Variants in GRIK2 observed in about 807,000 individuals in gnomAD.
GRIK2 encodes glutamate ionotropic receptor kainate type subunit 2.
A neutral mutation model predicts 100.3 loss-of-function variants in GRIK2; 32 were observed. That is an observed-to-expected ratio of 0.32 (90% CI 0.24 to 0.43). The LOEUF is 0.43. GRIK2 is among the 20% of genes least tolerant of loss of function. The pLI is 1.00. For synonymous variants in GRIK2, 417 were observed against 389.4 expected (o/e 1.07, Z -0.83); for missense variants, 843 against 1,114.9 (o/e 0.76, Z 3.47).
chr6:101,779,311 T>C (rs920268577), intron 7 of GRIK2, among the ~76,000 whole-genome samples: 2 of 152,164 alleles, frequency 1.3e-5, no homozygotes, highest in African/African-American at 4.8e-5. Flanking sequence ...TGTTACACAT[T>C]CCATTCTTAA....
At chr6:101,464,432 C>T (rs561774788) in intron 2 of GRIK2, among the ~76,000 whole-genome samples, 1 of 148,592 alleles carries the variant, frequency 6.7e-6, no homozygotes, top group South Asian at 2.2e-4. Flanking sequence ...GAGGCATAAA[C>T]TTTGCCTGTC....
chr6:101,775,592 T>C (rs886556348), intron 7 of GRIK2, among the ~76,000 whole-genome samples: 3 of 151,218 alleles, frequency 2.0e-5, no homozygotes, highest in Non-Finnish European at 4.4e-5. Context: ...ATAGTTTATT[T>C]ATAATAAACT....
chr6:101,656,091 T>C (rs1409847491), intron 4 of GRIK2, among the ~76,000 whole-genome samples: 1 of 151,910 alleles, frequency 6.6e-6, no homozygotes, highest in East Asian at 1.9e-4. Flanking sequence ...TCACTTGAGG[T>C]CAGGAGTTTG....
At chr6:101,489,718 T>G (rs1773007521) in intron 2 of GRIK2, among the ~76,000 whole-genome samples, 1 of 146,100 alleles carries the variant, frequency 6.8e-6, no homozygotes, top group Admixed American at 6.8e-5. Context: ...GTGGTATGAT[T>G]TTAAGGACTC....
intron 14 of GRIK2, among the ~76,000 whole-genome samples, chr6:102,001,593 A>C (rs1486994569): frequency 6.6e-6 from 1 of 151,812 alleles, no homozygotes; most frequent in Non-Finnish European, 1.5e-5. Context: ...CATTTTCTTT[A>C]TCCAGTCTAT....
intron 2 of GRIK2, among the ~76,000 whole-genome samples, chr6:101,573,641 TGATA>T (rs1416585621): frequency 2.6e-5 from 4 of 152,326 alleles, no homozygotes; most frequent in African/African-American, 9.6e-5. Flanking sequence ...AAAATATTTG[TGATA>T]GATCTATTTC....
In GRIK2 at chr6:101,760,574, T is replaced by TTAATTATATA. The variant is rs1199595461; in HGVS notation, c.952-39044_952-39035dup. Among the ~76,000 whole-genome samples the TTAATTATATA allele has an allele frequency of 9.6e-5, 8 of 83,364 alleles. 1 individual carries two copies. The South Asian group carries it at 1.7e-3, about 17-fold the overall frequency. 54.7% of individuals were successfully genotyped at this position (83,364 alleles called of 152,430 possible). ...ATTATATATAATTAATTATATTTAA[T>TTAATTATATA]TAATTATATATAATTATATATAATT... On this transcript the variant is annotated intron_variant, in intron 7 of 16. Transcript: ENST00000369134.
chr6:101,475,650 C>A (rs1772189467), intron 2 of GRIK2, among the ~76,000 whole-genome samples: 1 of 151,746 alleles, frequency 6.6e-6, no homozygotes, highest in Non-Finnish European at 1.5e-5. Context: ...AACTGCAACT[C>A]TTTTTTCATA....
intron 2 of GRIK2, among the ~76,000 whole-genome samples, chr6:101,588,724 C>G (rs1778505586): frequency 6.6e-6 from 1 of 151,612 alleles, no homozygotes; most frequent in Admixed American, 6.6e-5. Flanking sequence ...GTGAAGCAGC[C>G]CATATTTGGG....
intron 2 of GRIK2, among the ~76,000 whole-genome samples, chr6:101,491,938 A>T (rs1773141154): frequency 6.6e-6 from 1 of 151,758 alleles, no homozygotes. Context: ...GTATGTATGT[A>T]TTAGGTATAG....
chr6:101,995,365 A>G (rs975101328), intron 14 of GRIK2, among the ~76,000 whole-genome samples: 2 of 151,986 alleles, frequency 1.3e-5, no homozygotes, highest in Admixed American at 6.6e-5. Context: ...TTGATTCCAT[A>G]GATTTAAAAT....
At chr6:101,512,178 A>T (rs891123596) in intron 2 of GRIK2, among the ~76,000 whole-genome samples, 11 of 151,916 alleles carry the variant, frequency 7.2e-5, no homozygotes, top group African/African-American at 2.4e-4. Flanking sequence ...AAAATATGTA[A>T]GGTATAAAAT....
intron 14 of GRIK2, among the ~76,000 whole-genome samples, chr6:101,989,666 T>G (rs1794245860): frequency 6.6e-6 from 1 of 151,628 alleles, no homozygotes; most frequent in Admixed American, 6.6e-5. Context: ...ATTACTATGT[T>G]ACATTGTAAA....
At chr6:101,847,245 C>T (rs1001129703) in intron 10 of GRIK2, among the ~76,000 whole-genome samples, 2 of 152,096 alleles carry the variant, frequency 1.3e-5, no homozygotes, top group Non-Finnish European at 2.9e-5. Context: ...CTAATTTCCT[C>T]TGCAACTCAT....
chr6:101,670,138 C>CT (rs1770321881), intron 4 of GRIK2, among the ~76,000 whole-genome samples: 1 of 151,122 alleles, frequency 6.6e-6, no homozygotes, highest in Non-Finnish European at 1.5e-5. Flanking sequence ...TGCTTTTGTA[C>CT]TTAAAAAAAA....
intron 7 of GRIK2, among the ~76,000 whole-genome samples, chr6:101,792,302 T>A (rs982536967): frequency 1.3e-5 from 2 of 152,198 alleles, no homozygotes; most frequent in Non-Finnish European, 2.9e-5. Context: ...CTTCCTAGTC[T>A]CGATGGTCTT....
intron 7 of GRIK2, among the ~76,000 whole-genome samples, chr6:101,778,502 T>G (rs1034963282): frequency 6.6e-6 from 1 of 152,168 alleles, no homozygotes; most frequent in Non-Finnish European, 1.5e-5. Flanking sequence ...GAGTGAAATA[T>G]TATCACAAAT....
rs558278056 is a variant in GRIK2, at chr6:101,794,056, C to T, written c.952-5592C>T. Among the ~76,000 whole-genome samples, 13 of 152,286 alleles carry T rather than the reference C, an allele frequency of 8.5e-5. No homozygotes were observed. In the East Asian group the frequency reaches 9.7e-4, roughly 11 times the overall value. On this transcript the variant is annotated intron_variant, in intron 7 of 16. Transcript: ENST00000369134. Reference sequence around the variant, plus strand: ...CTCCTGGTGCGCCATTTCCTAAGCCCGTCAGAAAAGCGCAGTATTCGGGTG... The same window carrying T: ...CTCCTGGTGCGCCATTTCCTAAGCCTGTCAGAAAAGCGCAGTATTCGGGTG...
chr6:101,660,207 T>A (rs1349011796), intron 4 of GRIK2, among the ~76,000 whole-genome samples: 1 of 152,216 alleles, frequency 6.6e-6, no homozygotes, highest in Non-Finnish European at 1.5e-5. Context: ...TCTTCACATT[T>A]TTTTTTATTA....
Sources: allele counts gnomAD v4.1 joint callset (sites outside exome capture counted in the v4.1 genomes callset), GRCh38; gene constraint gnomAD v4.1.1; transcripts MANE v1.5; gene names NCBI Gene and HGNC (gene_info 2026-07-23, HGNC 2026-07-21).